ARL6IP5: variants seen among roughly 807,000 people sequenced by gnomAD.
The protein encoded by ARL6IP5 is ARF like GTPase 6 interacting protein 5, also known as PRA1 family protein 3.
ARL6IP5 carries 6 observed loss-of-function variants against 13.0 expected under a neutral mutation model. That is an observed-to-expected ratio of 0.46 (90% CI 0.25 to 0.91). The LOEUF is 0.91. Ranked by LOEUF, ARL6IP5 falls within the 40% of genes least tolerant of loss-of-function variation. The pLI, the probability that ARL6IP5 is intolerant of heterozygous loss-of-function variation, is 0.17. For missense variants in ARL6IP5, 208 were observed against 248.8 expected (o/e 0.84, Z 1.10); for synonymous variants, 91 against 91.9 (o/e 0.99, Z 0.06).
intron 1 of ARL6IP5, among the ~76,000 whole-genome samples, chr3:69,089,084 T>C (rs1255883420): frequency 6.6e-6 from 1 of 152,236 alleles, no homozygotes; most frequent in African/African-American, 2.4e-5. Context: ...GGTTAGAATC[T>C]ACATTTTAAC....
intron 1 of ARL6IP5, among the ~76,000 whole-genome samples, chr3:69,091,524 T>C (rs2092266964): frequency 6.6e-6 from 1 of 152,116 alleles, no homozygotes; most frequent in Non-Finnish European, 1.5e-5. Flanking sequence ...TTCGAACTCC[T>C]GGGCTCAAGC....
chr3:69,102,551 C>T (rs1423518290), intron 2 of ARL6IP5, among the ~76,000 whole-genome samples: 2 of 152,162 alleles, frequency 1.3e-5, no homozygotes, highest in Non-Finnish European at 2.9e-5. Flanking sequence ...TGAGCCACTT[C>T]GCCCAGCTGT....
At chr3:69,091,631 A>T (rs1575859126) in intron 1 of ARL6IP5, among the ~76,000 whole-genome samples, 3 of 138,856 alleles carry the variant, frequency 2.2e-5, no homozygotes, top group Admixed American at 1.4e-4. Context: ...GTTTATCTGA[A>T]CTTCTCTCCC....
chr3:69,085,260 G>T (rs2092244050), intron 1 of ARL6IP5, 37 bp downstream of exon 1: 2 of 1,590,016 alleles, frequency 1.3e-6, no homozygotes, highest in Middle Eastern at 1.7e-4. Context: ...ACCGATCCGG[G>T]GCGAGCACGG....
intron 1 of ARL6IP5, among the ~76,000 whole-genome samples, chr3:69,097,804 C>T (rs983528331): frequency 1.3e-5 from 2 of 152,078 alleles, no homozygotes; most frequent in Non-Finnish European, 2.9e-5. Context: ...GGTTGGGGCA[C>T]TGGGGTGCTA....
Position 69,104,449 on chromosome 3 carries a change from G to C in ARL6IP5, c.395-15G>C, listed in dbSNP as rs907669337. 1 of 1,607,606 alleles carries C rather than the reference G, an allele frequency of 6.2e-7. No individual in the cohort carries two copies. Among genetic ancestry groups the C allele is most frequent in the Middle Eastern group, 1.7e-4 (1 of 6,008 alleles). ...ATTGTTGCTTTGGTGTTAACCAGGT[G>C]TCCCTTCTCTGCAGTGATGTTTATC... On this transcript the variant is annotated splice_polypyrimidine_tract_variant and intron_variant, in intron 2 of 2. Coordinates refer to ENST00000273258, the MANE Select transcript of ARL6IP5 (RefSeq NM_006407.4).
At chr3:69,090,591 G>A (rs1023234247) in intron 1 of ARL6IP5, among the ~76,000 whole-genome samples, 2 of 152,212 alleles carry the variant, frequency 1.3e-5, no homozygotes, top group African/African-American at 4.8e-5. Flanking sequence ...GGGAATAGGG[G>A]AGGCATTGAG....
In ARL6IP5 at chr3:69,101,831, T is replaced by C; in HGVS notation, c.177-8T>C. On this transcript the variant is annotated splice_region_variant and splice_polypyrimidine_tract_variant and intron_variant, in intron 1 of 2. Transcript: ENST00000273258. ...GTCACCCCTCATTTTTTCTTCCTCATATTTCAGGTTTCTGAGTCCCTTCAA... is the reference window on the plus strand; with the variant it reads ...GTCACCCCTCATTTTTTCTTCCTCACATTTCAGGTTTCTGAGTCCCTTCAA... 6.2e-7 allele frequency: 1 copy of C among 1,610,372 alleles called. No individual in the cohort carries two copies. Among genetic ancestry groups the C allele is most frequent in the Non-Finnish European group, 8.5e-7 (1 of 1,177,576 alleles).
chr3:69,086,440 C>T (rs1183313527), intron 1 of ARL6IP5, among the ~76,000 whole-genome samples: 4 of 152,220 alleles, frequency 2.6e-5, no homozygotes, highest in African/African-American at 9.6e-5. Flanking sequence ...TGGTTCACAG[C>T]AATCACCCCC....
At position 69,102,267 on chromosome 3, in the gene ARL6IP5, A is replaced by C. The variant is rs2092308188; in HGVS notation, c.394+211A>C. On this transcript the variant is annotated intron_variant, in intron 2 of 2. Transcript: ENST00000273258. Reference sequence around the variant, plus strand: ...GAGGTCAAGGCCTTATAGTTCATTAATTCCACAAATATTTGTTGGGGCATC... The same window carrying C: ...GAGGTCAAGGCCTTATAGTTCATTACTTCCACAAATATTTGTTGGGGCATC... 31 of 588,300 alleles carry C rather than the reference A, an allele frequency of 5.3e-5. No homozygotes were observed. The South Asian group carries it at 6.2e-4, about 12-fold the overall frequency. 36.4% of individuals were successfully genotyped at this position (588,300 alleles called of 1,614,324 possible).
At chr3:69,093,598 A>T (rs1308436245) in intron 1 of ARL6IP5, among the ~76,000 whole-genome samples, 1 of 152,016 alleles carries the variant, frequency 6.6e-6, no homozygotes, top group Non-Finnish European at 1.5e-5. Context: ...CATCGTCTCT[A>T]CTAAAAATGT....
chr3:69,085,246 G>A (rs989310986), intron 1 of ARL6IP5, 23 bp downstream of exon 1: 12 of 1,601,964 alleles, frequency 7.5e-6, no homozygotes, highest in African/African-American at 1.3e-5. Flanking sequence ...CCCCTACCCG[G>A]GACACCGATC....
At chr3:69,093,575 C>T (rs2092276539) in intron 1 of ARL6IP5, among the ~76,000 whole-genome samples, 1 of 151,858 alleles carries the variant, frequency 6.6e-6, no homozygotes, top group African/African-American at 2.4e-5. Context: ...CCAGCCTGGC[C>T]AACATGGTGA....
chr3:69,091,016 G>A (rs2092263791), intron 1 of ARL6IP5, among the ~76,000 whole-genome samples: 1 of 152,036 alleles, frequency 6.6e-6, no homozygotes, highest in Non-Finnish European at 1.5e-5. Context: ...GGGCAACATG[G>A]CGAAACCCCA....
At chr3:69,087,283 T>A (rs146924604) in intron 1 of ARL6IP5, among the ~76,000 whole-genome samples, 5 of 152,274 alleles carry the variant, frequency 3.3e-5, no homozygotes, top group African/African-American at 1.2e-4. Context: ...AGCACTGAGA[T>A]TGCAGGCGGG....
At chr3:69,085,819 C>G (rs1037812830) in intron 1 of ARL6IP5, among the ~76,000 whole-genome samples, 6 of 152,194 alleles carry the variant, frequency 3.9e-5, no homozygotes, top group African/African-American at 1.4e-4. Flanking sequence ...AGATGGCCTT[C>G]TGGCATTTTC....
At chr3:69,103,803 A>C (rs2092313623) in intron 2 of ARL6IP5, among the ~76,000 whole-genome samples, 1 of 152,168 alleles carries the variant, frequency 6.6e-6, no homozygotes, top group African/African-American at 2.4e-5. Flanking sequence ...GATCATATGG[A>C]GAGAGGGTTA....
rs2092319752 is a variant in ARL6IP5, at chr3:69,105,493, TAGAA to T, written c.*862_*865del. ...TTGTTTCGTTTTTAACTGGAACATT[TAGAA>T]AGAAGGAAATGAATGTGCATTTTAT... On this transcript the variant is annotated 3_prime_UTR_variant, in exon 3 of 3. Coordinates refer to ENST00000273258, the MANE Select transcript of ARL6IP5 (RefSeq NM_006407.4). 1 of 152,368 alleles carries T rather than the reference TAGAA, an allele frequency of 6.6e-6. No homozygotes were observed. The highest frequency in any genetic ancestry group is 2.1e-4 in the South Asian group (1 of 4,828). 9.4% of individuals were successfully genotyped at this position (152,368 alleles called of 1,614,324 possible).
rs141769633 is a variant in ARL6IP5 at position 69,092,926 on chromosome 3, A to G, written c.176+7703A>G. 2.5e-3 allele frequency among the ~76,000 whole-genome samples: 379 copies of G among 152,016 alleles called. 2 individuals carry two copies. Among genetic ancestry groups the G allele is most frequent in the Non-Finnish European group, 4.5e-3 (309 of 67,998 alleles). On this transcript the variant is annotated intron_variant, in intron 1 of 2. Transcript: ENST00000273258. Reference sequence around the variant, plus strand: ...AAAGTATTGGTTGTTAAGAGTAACCATGGGTTGCTAATTGTGAAAGCAGTG... The same window carrying G: ...AAAGTATTGGTTGTTAAGAGTAACCGTGGGTTGCTAATTGTGAAAGCAGTG...
Sources: allele counts gnomAD v4.1 joint callset (sites outside exome capture counted in the v4.1 genomes callset), GRCh38; gene constraint gnomAD v4.1.1; transcripts MANE v1.5; gene names NCBI Gene and HGNC (gene_info 2026-07-23, HGNC 2026-07-21).